Variants in FGF12 observed in about 807,000 individuals in gnomAD.
The protein encoded by FGF12 is fibroblast growth factor 12, also known as fibroblast growth factor 12B.
In FGF12, 14 loss-of-function variants were observed where a neutral mutation model predicts 23.6. That is an observed-to-expected ratio of 0.59 (90% confidence interval 0.39 to 0.93). The LOEUF (loss-of-function observed/expected upper bound fraction) is 0.93. Among genes scored for constraint, FGF12 ranks in the 40% least tolerant of loss-of-function variants. FGF12 has a pLI of 0.00. For missense variants in FGF12, 175 were observed against 217.8 expected, an observed-to-expected ratio of 0.80 and a Z score of 1.24; for synonymous variants, 62 against 77.3, an observed-to-expected ratio of 0.80 and a Z score of 1.04.
At chr3:192,412,927 T>C (rs147263692) in intron 2 of FGF12, among the ~76,000 whole-genome samples, 1 of 152,328 alleles carries the variant, frequency 6.6e-6, no homozygotes, top group African/African-American at 2.4e-5. Context: ...TTTTTATGCT[T>C]TCTTTGAACA....
chr3:192,188,002 T>A (rs1352255308), intron 4 of FGF12, among the ~76,000 whole-genome samples: 3 of 152,168 alleles, frequency 2.0e-5, no homozygotes, highest in Non-Finnish European at 2.9e-5. Context: ...ACATTCCTAT[T>A]CTAGTCCCAG....
intron 2 of FGF12, among the ~76,000 whole-genome samples, chr3:192,718,370 CAA>C (rs1718931686): frequency 6.6e-6 from 1 of 151,844 alleles, no homozygotes; most frequent in South Asian, 2.1e-4. Flanking sequence ...TCAAGTTCGC[CAA>C]AAGAGATAGG....
chr3:192,222,667 T>C (rs984162), intron 4 of FGF12, among the ~76,000 whole-genome samples: 72,406 of 151,748 alleles, frequency 0.48, 18,569 homozygotes, highest in East Asian at 0.99. Context: ...ACTTTTATTG[T>C]GTGTGAAAAA....
chr3:192,616,630 T>C (rs1247395597), intron 2 of FGF12, among the ~76,000 whole-genome samples: 1 of 152,004 alleles, frequency 6.6e-6, no homozygotes, highest in Non-Finnish European at 1.5e-5. Context: ...AGTGATATTT[T>C]GAGAAGAGAA....
intron 2 of FGF12, among the ~76,000 whole-genome samples, chr3:192,390,355 G>C (rs1301323593): frequency 6.6e-6 from 1 of 152,212 alleles, no homozygotes; most frequent in Non-Finnish European, 1.5e-5. Flanking sequence ...AAAGAGATAA[G>C]ATCTCACCAA....
intron 4 of FGF12, among the ~76,000 whole-genome samples, chr3:192,254,359 T>C (rs1712233459): frequency 6.6e-6 from 1 of 151,944 alleles, no homozygotes; most frequent in Admixed American, 6.6e-5. Context: ...TTTCCCACTT[T>C]ATTAAGGCTG....
chr3:192,509,762 G>T (rs530631374), intron 2 of FGF12, among the ~76,000 whole-genome samples: 4 of 152,232 alleles, frequency 2.6e-5, no homozygotes, highest in African/African-American at 9.6e-5. Context: ...ATTATCAAAA[G>T]ACTACAAACA....
intron 2 of FGF12, among the ~76,000 whole-genome samples, chr3:192,372,886 C>A (rs1413861209): frequency 6.6e-6 from 1 of 152,190 alleles, no homozygotes; most frequent in Non-Finnish European, 1.5e-5. Context: ...TCTTAATTGA[C>A]TCTCTCCCTG....
intron 2 of FGF12, among the ~76,000 whole-genome samples, chr3:192,530,703 G>T (rs1031103965): frequency 3.3e-5 from 5 of 152,182 alleles, no homozygotes; most frequent in Non-Finnish European, 7.3e-5. Context: ...TTTTTCTGAG[G>T]TGATGAAAGT....
intron 2 of FGF12, among the ~76,000 whole-genome samples, chr3:192,401,976 C>T (rs929608795): frequency 1.3e-5 from 2 of 152,330 alleles, no homozygotes; most frequent in African/African-American, 4.8e-5. Context: ...GTAATATCTT[C>T]ATTTTACAAA....
chr3:192,584,188 TC>T (rs1304346163), intron 2 of FGF12, among the ~76,000 whole-genome samples: 5 of 152,194 alleles, frequency 3.3e-5, no homozygotes, highest in Admixed American at 1.3e-4. Flanking sequence ...AATTACTGTT[TC>T]TTTGATACCT....
chr3:192,419,200 T>C (rs1721446679), intron 2 of FGF12, among the ~76,000 whole-genome samples: 1 of 152,152 alleles, frequency 6.6e-6, no homozygotes, highest in Non-Finnish European at 1.5e-5. Flanking sequence ...ATGAGGACAA[T>C]TCATATTCTT....
chr3:192,699,339 CAAGT>C (rs1718223662), intron 2 of FGF12, among the ~76,000 whole-genome samples: 9 of 152,250 alleles, frequency 5.9e-5, no homozygotes, highest in Admixed American at 5.9e-4. Context: ...TACACGATTT[CAAGT>C]CATAGAAAAG....
chr3:192,676,750 T>C (rs1717340151), intron 2 of FGF12, among the ~76,000 whole-genome samples: 1 of 152,018 alleles, frequency 6.6e-6, no homozygotes, highest in African/African-American at 2.4e-5. Context: ...GAGAACACTA[T>C]GGAAAGATGA....
chr3:192,446,617 T>TC (rs1430378223), intron 2 of FGF12, among the ~76,000 whole-genome samples: 1 of 152,198 alleles, frequency 6.6e-6, no homozygotes, highest in African/African-American at 2.4e-5. Flanking sequence ...AGATGGTCTT[T>TC]CCTTTCTACT....
intron 2 of FGF12, chr3:192,516,688 A>C (rs1194409938): frequency 6.6e-6 from 1 of 152,228 alleles, no homozygotes; most frequent in Non-Finnish European, 1.5e-5. Context: ...ATTTGGGGTG[A>C]TTCCAAGATT....
chr3:192,365,078 A>C (rs1160960313), intron 2 of FGF12, among the ~76,000 whole-genome samples: 1 of 152,192 alleles, frequency 6.6e-6, no homozygotes, highest in Non-Finnish European at 1.5e-5. Context: ...TCTACAAAAT[A>C]CTTGACCAGT....
intron 4 of FGF12, among the ~76,000 whole-genome samples, chr3:192,249,773 A>AT (rs1351655773): frequency 9.9e-5 from 15 of 152,180 alleles, no homozygotes; most frequent in African/African-American, 3.4e-4. Context: ...AGGGAGAGGC[A>AT]TGTGAGGTGA....
At chr3:192,347,164 T>C (rs564631544) in intron 3 of FGF12, among the ~76,000 whole-genome samples, 1 of 152,290 alleles carries the variant, frequency 6.6e-6, no homozygotes, top group East Asian at 1.9e-4. Flanking sequence ...TCCAGTATGC[T>C]TCATTGTTGA....
Sources: allele counts gnomAD v4.1 joint callset (sites outside exome capture counted in the v4.1 genomes callset), GRCh38; gene constraint gnomAD v4.1.1; transcripts MANE v1.5; gene names NCBI Gene and HGNC (gene_info 2026-07-23, HGNC 2026-07-21).